ZBTB38: variants seen among roughly 807,000 people sequenced by gnomAD.
ZBTB38 encodes zinc finger and BTB domain containing 38.
ZBTB38 carries 20 observed loss-of-function variants against 76.8 expected under a neutral mutation model. That is an observed-to-expected ratio of 0.26 (90% CI 0.18 to 0.38). The LOEUF is 0.38. Ranked by LOEUF, ZBTB38 falls within the 10% of genes least tolerant of loss-of-function variation. ZBTB38 has a pLI of 1.00. For missense variants in ZBTB38, 1,082 were observed against 1,482.3 expected (o/e 0.73, Z 4.43); for synonymous variants, 504 against 544.2 (o/e 0.93, Z 1.03).
At chr3:141,364,301 T>C (rs1210100416), upstream of ZBTB38, among the ~76,000 whole-genome samples, 1 of 151,234 alleles carries the variant, frequency 6.6e-6, no homozygotes, top group African/African-American at 2.4e-5. Flanking sequence ...ATGACAACCA[T>C]AGACAGGGAG....
At chr3:141,362,186 G>A (rs921479992) in intron 1 of ZBTB38, among the ~76,000 whole-genome samples, 2 of 151,954 alleles carry the variant, frequency 1.3e-5, no homozygotes, top group African/African-American at 4.8e-5. Flanking sequence ...AAACAGATGT[G>A]TCCTCCGAAC....
chr3:141,330,629 G>T (rs1433435295), intron 1 of ZBTB38, among the ~76,000 whole-genome samples: 1 of 152,226 alleles, frequency 6.6e-6, no homozygotes, highest in African/African-American at 2.4e-5. Context: ...CAAATGCACT[G>T]CTGTGGTTTG....
chr3:141,444,307 A>C lies in ZBTB38; in HGVS notation c.1919A>C (p.Asp640Ala). The C allele has an allele frequency of 6.2e-7, 1 of 1,614,232 alleles. No individual in the cohort carries two copies. The highest frequency in any genetic ancestry group is 1.1e-5 in the South Asian group (1 of 91,084). Reference protein sequence around the residue: ...AIPLETSACQDIPTSANVQNA... With the variant: ...AIPLETSACQAIPTSANVQNA... The stretch of plus-strand genomic sequence containing the variant: ...CCATTGGAAACATCTGCATGTCAGG[A>C]CATACCCACTTCTGCCAATGTACAA... Residue 640 changes from aspartate to alanine, a missense_variant, in exon 6 of 6, where the codon GAC becomes GCC. Physicochemically the swap from Asp to Ala is moderately radical, Grantham distance 126 (BLOSUM62 -2). Transcript: ENST00000321464. The surrounding 1 kb of genome is among the most constrained non-coding windows in gnomAD (Gnocchi z 5.1).
chr3:141,439,367 C>T (rs1424110343), intron 5 of ZBTB38, among the ~76,000 whole-genome samples: 1 of 152,134 alleles, frequency 6.6e-6, no homozygotes, highest in Non-Finnish European at 1.5e-5. Flanking sequence ...GGTAGATATC[C>T]CCGCTGAAAA....
At chr3:141,330,818 G>A (rs1428511231) in intron 1 of ZBTB38, among the ~76,000 whole-genome samples, 1 of 152,174 alleles carries the variant, frequency 6.6e-6, no homozygotes, top group African/African-American at 2.4e-5. Flanking sequence ...TACAAGAAGA[G>A]GAAGAGAACC....
intron 3 of ZBTB38, among the ~76,000 whole-genome samples, chr3:141,382,941 CTT>C (rs1946407707): frequency 6.6e-6 from 1 of 152,198 alleles, no homozygotes; most frequent in Admixed American, 6.5e-5. Context: ...AAGACGTAGA[CTT>C]TGCAATCAAT....
chr3:141,383,586 A>C (rs1559928839), intron 3 of ZBTB38: 1 of 152,200 alleles, frequency 6.6e-6, no homozygotes, highest in African/African-American at 2.4e-5. Flanking sequence ...TTTTTAAAAC[A>C]TAGAGAGTCA....
chr3:141,381,327 T>G (rs1946169582), intron 2 of ZBTB38, 98 bp from the exon 3 acceptor site: 1 of 152,200 alleles, frequency 6.6e-6, no homozygotes, highest in Non-Finnish European at 1.5e-5. Context: ...TAGGATGGGT[T>G]GAGATGTTGT....
At position 141,445,395 on chromosome 3, in the gene ZBTB38, C is replaced by T. The variant is rs2080979193; in HGVS notation, c.3007C>T (p.Arg1003Ter). 2.5e-6 allele frequency: 4 copies of T among 1,614,082 alleles called. No homozygotes were observed. Among genetic ancestry groups the T allele is most frequent in the South Asian group, 1.1e-5 (1 of 91,072 alleles). Reference sequence around the variant, plus strand: ...GGCTGGAAACCAAGGAAGGCCCCACCGACATCTTACTTCTCGGCCATATGC... The same window carrying T: ...GGCTGGAAACCAAGGAAGGCCCCACTGACATCTTACTTCTCGGCCATATGC... ...VGAGNQGRPH[R>*]HLTSRPYACE... The change falls in exon 6 of 6, where the codon CGA (arginine) becomes TGA (stop). Residue 1003 changes from arginine (R) to a stop codon, truncating the protein, a stop_gained. Coordinates refer to ENST00000321464, the MANE Select transcript of ZBTB38 (RefSeq NM_001376113.1). LOFTEE classifies it high-confidence loss of function. This position sits in a 1 kb window ranked among gnomAD's most constrained non-coding sequence, Gnocchi z 6.5.
chr3:141,381,250 G>A (rs1946158380), intron 2 of ZBTB38, among the ~76,000 whole-genome samples, 175 bp from the exon 3 acceptor site: 1 of 152,182 alleles, frequency 6.6e-6, no homozygotes, highest in Admixed American at 6.5e-5. Context: ...CTAAAGCCGA[G>A]GTAGTGATTT....
In ZBTB38 at chr3:141,448,930, C is replaced by T. The variant is rs1224880607; in HGVS notation, c.*2954C>T. 2.6e-5 allele frequency: 4 copies of T among 152,138 alleles called. No homozygotes were observed. Among genetic ancestry groups the T allele is most frequent in the African/African-American group, 4.8e-5 (2 of 41,412 alleles). The allele number at this position is 152,138 out of a possible 1,614,324, so 9.4% of individuals were successfully genotyped here. ...CTGATGATTGAGTGTTTTGGATAGG[C>T]CTGATCTTATAATGATAAATCAGAG... On this transcript the variant is annotated 3_prime_UTR_variant, in exon 6 of 6. Coordinates refer to ENST00000321464, the MANE Select transcript of ZBTB38 (RefSeq NM_001376113.1).
At chr3:141,398,119 T>C (rs1199207876) in intron 4 of ZBTB38, among the ~76,000 whole-genome samples, 2 of 152,240 alleles carry the variant, frequency 1.3e-5, no homozygotes, top group Non-Finnish European at 2.9e-5. Flanking sequence ...TATTCTTAGC[T>C]TGTAGGCCAC....
At chr3:141,440,389 T>A (rs1201614338) in intron 5 of ZBTB38, among the ~76,000 whole-genome samples, 5 of 152,214 alleles carry the variant, frequency 3.3e-5, no homozygotes, top group African/African-American at 1.2e-4. Context: ...GGACACTAAA[T>A]AACATAATAG....
At chr3:141,441,544 G>A (rs2150938739) in intron 5 of ZBTB38, among the ~76,000 whole-genome samples, 1 of 152,318 alleles carries the variant, frequency 6.6e-6, no homozygotes, top group African/African-American at 2.4e-5. Flanking sequence ...AGGGCCAATA[G>A]CGCAGAGAGG....
At chr3:141,334,765 C>A (rs767859627) in intron 1 of ZBTB38, among the ~76,000 whole-genome samples, 2 of 152,114 alleles carry the variant, frequency 1.3e-5, no homozygotes. Flanking sequence ...CCCTGATTAA[C>A]GAGTTGATTC....
intron 2 of ZBTB38, among the ~76,000 whole-genome samples, chr3:141,378,860 C>T (rs1023855055): frequency 1.3e-5 from 2 of 152,232 alleles, no homozygotes; most frequent in African/African-American, 4.8e-5. Context: ...AGATTCAGAT[C>T]TAAGAAATGG....
intron 1 of ZBTB38, among the ~76,000 whole-genome samples, chr3:141,349,072 AC>A (rs1468246433): frequency 6.6e-6 from 1 of 152,124 alleles, no homozygotes; most frequent in East Asian, 1.9e-4. Flanking sequence ...TTCATGAAAT[AC>A]CCCAAAGGAG....
rs2081215573 is a variant in ZBTB38, at chr3:141,447,923, T to C, written c.*1947T>C. The C allele has an allele frequency of 1.3e-5, 2 of 152,630 alleles. No individual in the cohort carries two copies. The highest frequency in any genetic ancestry group is 2.9e-5 in the Non-Finnish European group (2 of 68,026). 9.5% of individuals were successfully genotyped at this position (152,630 alleles called of 1,614,324 possible). On this transcript the variant is annotated 3_prime_UTR_variant, in exon 6 of 6. Coordinates refer to ENST00000321464, the MANE Select transcript of ZBTB38 (RefSeq NM_001376113.1). Reference sequence around the variant, plus strand: ...ATATAAGTAGAGAAAAATGGGAAAATGCAAGCAAATTCAACTTTATTTTAT... The same window carrying C: ...ATATAAGTAGAGAAAAATGGGAAAACGCAAGCAAATTCAACTTTATTTTAT...
intron 1 of ZBTB38, among the ~76,000 whole-genome samples, chr3:141,351,272 A>G (rs569596195): frequency 2.0e-5 from 3 of 152,332 alleles, no homozygotes; most frequent in Non-Finnish European, 2.9e-5. Flanking sequence ...ACCATGTTTT[A>G]TGAATGCTCC....
Sources: gnomAD v4.1 joint callset for allele counts (sites outside exome capture counted in the v4.1 genomes callset) on GRCh38, gnomAD v4.1.1 for gene constraint, Gnocchi (gnomAD v3.1) non-coding constraint, MANE v1.5 for transcripts, NCBI Gene and HGNC (gene_info 2026-07-23, HGNC 2026-07-21) for gene names.